The following LRRC40 variants were observed in gnomAD, a reference collection of about 807,000 sequenced individuals.
The protein encoded by LRRC40 is leucine rich repeat containing 40.
A neutral mutation model predicts 72.8 loss-of-function variants in LRRC40; 76 were observed. That is an observed-to-expected ratio of 1.04 (90% CI 0.87 to 1.26). The LOEUF (loss-of-function observed/expected upper bound fraction) is 1.26. Among genes scored for constraint, LRRC40 ranks in the 50% most tolerant of loss-of-function variants. The probability of loss-of-function intolerance (pLI) is 0.00; values close to 1 mark genes in which losing one functional copy is unlikely to be tolerated. For synonymous variants in LRRC40, 243 were observed against 254.2 expected (o/e 0.96, Z 0.42); for missense variants, 684 against 698.9 (o/e 0.98, Z 0.24).
At chr1:70,205,096 G>C (rs996079701) in intron 1 of LRRC40, among the ~76,000 whole-genome samples, 5 of 152,196 alleles carry the variant, frequency 3.3e-5, no homozygotes, top group Non-Finnish European at 7.3e-5. Context: ...AGCTGGTTTC[G>C]TCACATATTA....
chr1:70,182,542 T>C (rs1668269144), intron 4 of LRRC40, among the ~76,000 whole-genome samples: 1 of 151,826 alleles, frequency 6.6e-6, no homozygotes, highest in South Asian at 2.1e-4. Flanking sequence ...ACAAAAAACT[T>C]AATTCAGAAA....
chr1:70,174,196 A>G (rs1367099659), intron 7 of LRRC40, among the ~76,000 whole-genome samples: 3 of 152,106 alleles, frequency 2.0e-5, no homozygotes, highest in Admixed American at 2.0e-4. Flanking sequence ...CCATTCATAC[A>G]TAAAAATTCA....
intron 3 of LRRC40, 141 bp from the exon 4 acceptor site, chr1:70,185,055 T>G: frequency 1.7e-6 from 1 of 591,952 alleles, no homozygotes. Context: ...TCAAAATTCA[T>G]ATCCAAAAAT....
Position 70,189,177 on chromosome 1 carries a change from T to A in LRRC40, c.248A>T (p.Asp83Val), listed in dbSNP as rs1184563405. The change falls in exon 2 of 15, where the codon GAT becomes GTT. Residue 83 changes from aspartate (D) to valine (V), a missense_variant. Asp to Val is a radical substitution (Grantham distance 152). Transcript: ENST00000370952. ...GTTTGATATTATTAGTTTGGTCAAA[T>A]CTGTCTGCTCCCACCATCTTTCAGT... ...GATERWWEQTDLTKLIISNNK... is the reference protein window; with the variant it reads ...GATERWWEQTVLTKLIISNNK... 42 of 1,613,632 alleles carry A rather than the reference T, an allele frequency of 2.6e-5. No individual in the cohort carries two copies. Among genetic ancestry groups the A allele is most frequent in the Non-Finnish European group, 3.4e-5 (40 of 1,179,944 alleles).
intron 9 of LRRC40, among the ~76,000 whole-genome samples, chr1:70,172,881 G>A (rs1479537587): frequency 4.6e-5 from 7 of 151,642 alleles, no homozygotes; most frequent in African/African-American, 1.2e-4. Context: ...CATAGCACTC[G>A]TACAACTACT....
At chr1:70,202,365 GATTA>G (rs1668761271) in intron 1 of LRRC40, among the ~76,000 whole-genome samples, 1 of 151,712 alleles carries the variant, frequency 6.6e-6, no homozygotes, top group Non-Finnish European at 1.5e-5. Flanking sequence ...AAAAAAAAAA[GATTA>G]AGTCATCAAA....
At chr1:70,163,121 G>A (rs1667801063) in intron 9 of LRRC40, among the ~76,000 whole-genome samples, 1 of 150,984 alleles carries the variant, frequency 6.6e-6, no homozygotes, top group South Asian at 2.1e-4. Flanking sequence ...CTGTTGCCAG[G>A]CTGGAGTGCA....
At chr1:70,166,215 G>A (rs1667877235) in intron 9 of LRRC40, among the ~76,000 whole-genome samples, 1 of 152,128 alleles carries the variant, frequency 6.6e-6, no homozygotes, top group Admixed American at 6.6e-5. Flanking sequence ...AAGAAAAATG[G>A]AAGAGATAAT....
At chr1:70,172,756 A>G (rs1195366856) in intron 9 of LRRC40, among the ~76,000 whole-genome samples, 1 of 152,186 alleles carries the variant, frequency 6.6e-6, no homozygotes, top group Non-Finnish European at 1.5e-5. Flanking sequence ...CTCATTTAAT[A>G]TATGTTGACT....
chr1:70,150,151 T>G (rs1667438410), intron 13 of LRRC40, among the ~76,000 whole-genome samples: 1 of 152,134 alleles, frequency 6.6e-6, no homozygotes. Flanking sequence ...ACTCCTGACC[T>G]CAGGTGATCC....
At chr1:70,162,430 A>G (rs1334391982) in intron 9 of LRRC40, among the ~76,000 whole-genome samples, 1 of 152,066 alleles carries the variant, frequency 6.6e-6, no homozygotes, top group African/African-American at 2.4e-5. Context: ...TAGAAATGCA[A>G]ATTTCCAGGC....
Position 70,145,664 on chromosome 1 carries a change from A to G in LRRC40, c.*136T>C, listed in dbSNP as rs595662. 461,003 of 488,790 alleles carry G rather than the reference A, an allele frequency of 0.94. 217,699 individuals are homozygous for G. The highest frequency in any genetic ancestry group is 1 in the East Asian group (31,501 of 31,504). The allele number at this position is 488,790 out of a possible 1,614,324, so 30.3% of individuals were successfully genotyped here. On this transcript the variant is annotated 3_prime_UTR_variant, in exon 15 of 15. Coordinates refer to ENST00000370952, the MANE Select transcript of LRRC40 (RefSeq NM_017768.5). The stretch of plus-strand genomic sequence containing the variant: ...TATGGCCCAGGCTAATTATACCAAC[A>G]GGTAGGTGATACTGGGAAACTACAA...
At chr1:70,184,221 C>G (rs1668311878) in intron 4 of LRRC40, among the ~76,000 whole-genome samples, 1 of 152,024 alleles carries the variant, frequency 6.6e-6, no homozygotes, top group Non-Finnish European at 1.5e-5. Flanking sequence ...GCACTCCAGT[C>G]TGGGTGACAG....
Position 70,145,588 on chromosome 1 carries a change from C to A in LRRC40, c.*212G>T, listed in dbSNP as rs1443711168. ...TTATCACCATTACAAATGTATACAACACCTTACAAAAATCTTAAATAAAAA... is the reference window on the plus strand; with the variant it reads ...TTATCACCATTACAAATGTATACAAAACCTTACAAAAATCTTAAATAAAAA... On this transcript the variant is annotated 3_prime_UTR_variant, in exon 15 of 15. Transcript: ENST00000370952. 2 of 364,786 alleles carry A rather than the reference C, an allele frequency of 5.5e-6. No homozygotes were observed. Among genetic ancestry groups the A allele is most frequent in the Admixed American group, 8.8e-5 (2 of 22,746 alleles). 22.6% of individuals were successfully genotyped at this position (364,786 alleles called of 1,614,324 possible). A position where few individuals can be genotyped will look rare whatever the true frequency, so the allele number is the denominator to read the frequency against.
At chr1:70,165,797 C>G (rs1667867569) in intron 9 of LRRC40, among the ~76,000 whole-genome samples, 1 of 152,096 alleles carries the variant, frequency 6.6e-6, no homozygotes, top group Non-Finnish European at 1.5e-5. Context: ...CCCATTACCC[C>G]AAAATCCAGA....
At chr1:70,193,733 A>G (rs1387631414) in intron 1 of LRRC40, among the ~76,000 whole-genome samples, 1 of 152,054 alleles carries the variant, frequency 6.6e-6, no homozygotes, top group Non-Finnish European at 1.5e-5. Flanking sequence ...TTGCAACTCT[A>G]TATAAAAAGG....
rs138582960 is a variant in LRRC40, at chr1:70,173,665, A to G, written c.1022T>C (p.Leu341Ser). The change falls in exon 8 of 15, where the codon TTA becomes TCA. Residue 341 changes from leucine (L) to serine (S), a missense_variant. Coordinates refer to ENST00000370952, the MANE Select transcript of LRRC40 (RefSeq NM_017768.5). ...AATTGTTCTCAAAGGATTTCCTTCT[A>G]ATGCCAAAAATTTCAAATGAAGGTT... ...LGNLHLKFLALEGNPLRTIRR... is the reference protein window; with the variant it reads ...LGNLHLKFLASEGNPLRTIRR... The G allele has an allele frequency of 2.4e-5, 38 of 1,571,774 alleles. No individual in the cohort carries two copies. The highest frequency in any genetic ancestry group is 2.9e-5 in the Non-Finnish European group (33 of 1,152,116).
chr1:70,163,638 C>T (rs1162971752), intron 9 of LRRC40, among the ~76,000 whole-genome samples: 1 of 152,118 alleles, frequency 6.6e-6, no homozygotes, highest in African/African-American at 2.4e-5. Context: ...ATCTTAATTG[C>T]CCTTTGCCAT....
At chr1:70,155,907 C>A in intron 10 of LRRC40, 111 bp from the exon 11 acceptor site, 1 of 457,104 alleles carries the variant, frequency 2.2e-6, no homozygotes, top group Non-Finnish European at 3.8e-6. Flanking sequence ...TTTTTCAAAG[C>A]CATTGATTAT....
Sources: gnomAD v4.1 joint callset for allele counts (sites outside exome capture counted in the v4.1 genomes callset) on GRCh38, gnomAD v4.1.1 for gene constraint, MANE v1.5 for transcripts, NCBI Gene and HGNC (gene_info 2026-07-23, HGNC 2026-07-21) for gene names.